Variants in RRP12 observed in about 807,000 individuals in gnomAD.
The protein encoded by RRP12 is RRP12-like protein.
Under a neutral mutation model 157.3 loss-of-function variants are expected in RRP12, and 78 were observed. The ratio of observed to expected loss-of-function variants is 0.50; its 90% CI spans 0.41 to 0.60. The LOEUF is 0.60. Ranked by LOEUF, RRP12 falls within the 20% of genes least tolerant of loss-of-function variation. The pLI is 0.00. For missense variants in RRP12, 1,521 were observed against 1,679.9 expected (o/e 0.91, Z 1.65); for synonymous variants, 726 against 670.9 (o/e 1.08, Z -1.27).
At chr10:97,392,220 C>T (rs958266059) in intron 4 of RRP12, among the ~76,000 whole-genome samples, 4 of 152,164 alleles carry the variant, frequency 2.6e-5, no homozygotes, top group East Asian at 1.9e-4. Flanking sequence ...GTCCACCTGC[C>T]TCAGCCTCCC....
Position 97,373,752 on chromosome 10 carries a change from G to T in RRP12, c.1864-15C>A, listed in dbSNP as rs201159478. ...AGTGTCCACATCTGGAGAAGGAGGGGACAATAAAGGAAGGTGACACGCAGC... is the reference window on the plus strand; with the variant it reads ...AGTGTCCACATCTGGAGAAGGAGGGTACAATAAAGGAAGGTGACACGCAGC... On this transcript the variant is annotated splice_polypyrimidine_tract_variant and intron_variant, in intron 16 of 33. Coordinates refer to ENST00000370992, the MANE Select transcript of RRP12 (RefSeq NM_015179.4). The T allele has an allele frequency of 1.5e-3, 2,364 of 1,612,414 alleles. 3 individuals carry two copies. Among genetic ancestry groups the T allele is most frequent in the Non-Finnish European group, 1.9e-3 (2,184 of 1,178,612 alleles).
intron 4 of RRP12, chr10:97,393,463 T>C (rs1401067275): frequency 1.5e-6 from 1 of 683,848 alleles, no homozygotes; most frequent in Non-Finnish European, 2.7e-6. Flanking sequence ...GGTAAATGAT[T>C]CTATTACCAG....
rs540883924 is a variant in RRP12, at chr10:97,401,302, C to T, written c.-71G>A. The T allele has an allele frequency of 4.7e-5, 75 of 1,585,928 alleles. 1 individual carries two copies. In the African/African-American group the frequency reaches 5.5e-4, roughly 12 times the overall value. ...AGGGACGTAGAAACACGCTCAGAACCCACGTGGATACCCTGTAGCCTTCAC... is the reference window on the plus strand; with the variant it reads ...AGGGACGTAGAAACACGCTCAGAACTCACGTGGATACCCTGTAGCCTTCAC... On this transcript the variant is annotated 5_prime_UTR_variant, in exon 1 of 34. Transcript: ENST00000370992.
chr10:97,357,678 G>A (rs1843744045), intron 33 of RRP12, among the ~76,000 whole-genome samples: 1 of 152,218 alleles, frequency 6.6e-6, no homozygotes, highest in Non-Finnish European at 1.5e-5. Flanking sequence ...GATGACTATG[G>A]CTGGGCGTGG....
intron 29 of RRP12, among the ~76,000 whole-genome samples, chr10:97,365,680 A>G (rs1429974709): frequency 6.6e-6 from 1 of 151,692 alleles, no homozygotes; most frequent in Non-Finnish European, 1.5e-5. Context: ...GCAATGTGAG[A>G]CATTGGGATT....
At position 97,381,476 on chromosome 10, in the gene RRP12, A is replaced by G; in HGVS notation, c.1328T>C (p.Leu443Pro). The change falls in exon 12 of 34, where the codon CTG (leucine) becomes CCG (proline). Residue 443 changes from leucine to proline, a missense_variant. Physicochemically the swap from Leu to Pro is moderately conservative, Grantham distance 98. Coordinates refer to ENST00000370992, the MANE Select transcript of RRP12 (RefSeq NM_015179.4). The part of the protein sequence containing the change: ...TAATQSLKEI[L>P]KECVAPHMAD... Reference sequence around the variant, plus strand: ...CATGTGGGGAGCCACGCATTCCTTCAGGATCTCCTGCGAAGAGAGGCCACA... The same window carrying G: ...CATGTGGGGAGCCACGCATTCCTTCGGGATCTCCTGCGAAGAGAGGCCACA... 1.9e-6 allele frequency: 3 copies of G among 1,611,144 alleles called. No individual in the cohort carries two copies. The highest frequency in any genetic ancestry group is 1.7e-6 in the Non-Finnish European group (2 of 1,178,752).
chr10:97,359,850 C>T (rs557419441), intron 31 of RRP12, among the ~76,000 whole-genome samples: 1 of 152,324 alleles, frequency 6.6e-6, no homozygotes, highest in African/African-American at 2.4e-5. Context: ...CTCATGGGTG[C>T]CACAGGCGGA....
intron 3 of RRP12, among the ~76,000 whole-genome samples, 167 bp downstream of exon 3, chr10:97,396,051 G>GTAGCAA (rs1271564696): frequency 2.0e-5 from 3 of 151,888 alleles, no homozygotes; most frequent in Non-Finnish European, 4.4e-5. Flanking sequence ...AAATTAAAAG[G>GTAGCAA]TAGCAAATAC....
At position 97,370,500 on chromosome 10, in the gene RRP12, C is replaced by G. The variant is rs200591514; in HGVS notation, c.2644G>C (p.Val882Leu). 14 of 1,611,158 alleles carry G rather than the reference C, an allele frequency of 8.7e-6. No homozygotes were observed. The Admixed American group carries it at 2.0e-4, about 23-fold the overall frequency. ...GARKNAFALL[V>L]EMGHAFLRFG... ...CTTAGGAAAGCATGGCCCATCTCCA[C>G]GAGCAGTGCAAAAGCGTTCTTCCGT... Residue 882 changes from valine (V) to leucine (L), a missense_variant, in exon 23 of 34, where the codon GTG (valine) becomes CTG (leucine). Physicochemically the swap from Val to Leu is conservative, Grantham distance 32 (BLOSUM62 1). Transcript: ENST00000370992.
intron 25 of RRP12, chr10:97,367,518 G>A: frequency 4.2e-6 from 1 of 236,122 alleles, no homozygotes; most frequent in Non-Finnish European, 8.5e-6. Flanking sequence ...CATAGAGGTG[G>A]GAGTTCAGCC....
At chr10:97,369,049 A>G (rs1844065313) in intron 25 of RRP12, among the ~76,000 whole-genome samples, 1 of 151,966 alleles carries the variant, frequency 6.6e-6, no homozygotes, top group Admixed American at 6.5e-5. Context: ...AAAATGCAAG[A>G]TGGGAAAAAA....
At position 97,385,943 on chromosome 10, in the gene RRP12, C is replaced by A. The variant is rs1404080221; in HGVS notation, c.1068G>T (p.Arg356Ser). Residue 356 changes from arginine (R) to serine (S), a missense_variant, in exon 9 of 34, where the codon AGG becomes AGT. Coordinates refer to ENST00000370992, the MANE Select transcript of RRP12 (RefSeq NM_015179.4). ...MQAFHSLFHA[R>S]PGLSTLSAEL... The stretch of plus-strand genomic sequence containing the variant: ...CTGCTGACAGGGTGCTCAGGCCAGG[C>A]CTGGCGTGGAAGAGGCTGTGAAAGG... 1 of 1,607,198 alleles carries A rather than the reference C, an allele frequency of 6.2e-7. No homozygotes were observed. The highest frequency in any genetic ancestry group is 1.1e-5 in the South Asian group (1 of 89,376).
Position 97,372,739 on chromosome 10 carries a change from G to C in RRP12, c.2246C>G (p.Thr749Ser). Residue 749 changes from threonine (T) to serine (S), a missense_variant, in exon 19 of 34, where the codon ACC (threonine) becomes AGC (serine). Transcript: ENST00000370992. Reference sequence around the variant, plus strand: ...TGGGAGGCCCTGAGCATGTTACCTGGTAAAGTCAGAGCTGGCAGGGTCGAG... The same window carrying C: ...TGGGAGGCCCTGAGCATGTTACCTGCTAAAGTCAGAGCTGGCAGGGTCGAG... Reference protein sequence around the residue: ...KVLDPASSDFTRLSVLDLVVA... With the variant: ...KVLDPASSDFSRLSVLDLVVA... 1 of 1,559,176 alleles carries C rather than the reference G, an allele frequency of 6.4e-7. No homozygotes were observed. Among genetic ancestry groups the C allele is most frequent in the Non-Finnish European group, 8.7e-7 (1 of 1,151,154 alleles).
At chr10:97,401,058 C>T in intron 1 of RRP12, 35 bp downstream of exon 1, 2 of 1,606,668 alleles carry the variant, frequency 1.2e-6, no homozygotes, top group Non-Finnish European at 1.7e-6. Context: ...CCTGGAACCC[C>T]GCCCCCGGCT....
intron 3 of RRP12, among the ~76,000 whole-genome samples, chr10:97,395,749 G>A (rs1393439910): frequency 6.6e-6 from 1 of 151,834 alleles, no homozygotes; most frequent in Non-Finnish European, 1.5e-5. Flanking sequence ...TACTCGGGAG[G>A]CTGAGGCAGG....
intron 11 of RRP12, 58 bp downstream of exon 11, chr10:97,381,657 A>G (rs1016572392): frequency 3.4e-6 from 5 of 1,470,038 alleles, no homozygotes; most frequent in Non-Finnish European, 1.9e-6. Context: ...GCTGGGAAAG[A>G]CAGGGCAGCC....
chr10:97,374,980 C>T (rs1410223682), intron 15 of RRP12, among the ~76,000 whole-genome samples: 1 of 152,100 alleles, frequency 6.6e-6, no homozygotes, highest in African/African-American at 2.4e-5. Context: ...TTAAACAAAA[C>T]CTGCCCCAAG....
chr10:97,400,661 G>T, intron 1 of RRP12, 127 bp from the exon 2 acceptor site: 1 of 728,008 alleles, frequency 1.4e-6, no homozygotes, highest in Non-Finnish European at 2.3e-6. Context: ...AACACAGCCA[G>T]TCTCATAAAA....
intron 25 of RRP12, among the ~76,000 whole-genome samples, chr10:97,368,899 G>A (rs576770587): frequency 4.1e-4 from 62 of 152,380 alleles, no homozygotes; most frequent in African/African-American, 1.4e-3. Flanking sequence ...ACAGTGCACA[G>A]CTTGGCTGGA....
Sources: gnomAD v4.1 joint callset for allele counts (sites outside exome capture counted in the v4.1 genomes callset) on GRCh38, gnomAD v4.1.1 for gene constraint, MANE v1.5 for transcripts, NCBI Gene and HGNC (gene_info 2026-07-23, HGNC 2026-07-21) for gene names.